MSTO1: variants seen among roughly 807,000 people sequenced by gnomAD.
MSTO1 encodes the protein protein misato homolog 1.
Under a neutral mutation model 55.7 loss-of-function variants are expected in MSTO1, and 24 were observed. The ratio of observed to expected loss-of-function variants is 0.43; its 90% confidence interval spans 0.31 to 0.61. The LOEUF (loss-of-function observed/expected upper bound fraction) is 0.61, where lower values mean the gene tolerates loss of function less well. MSTO1 is among the 20% of genes least tolerant of loss of function. The pLI is 0.09. For synonymous variants in MSTO1, 162 were observed against 252.8 expected (o/e 0.64, Z 3.41); for missense variants, 363 against 625.7 (o/e 0.58, Z 4.48).
At chr1:155,572,524 C>T in the MSTO1 span, among the ~76,000 whole-genome samples, 1 of 152,030 alleles carries the variant, frequency 6.6e-6, no homozygotes, top group East Asian at 1.9e-4. Flanking sequence ...CCATCCTGGC[C>T]AAGATGGTGA....
the MSTO1 span, among the ~76,000 whole-genome samples, chr1:155,580,983 G>C: frequency 2.0e-5 from 3 of 151,508 alleles, no homozygotes; most frequent in Non-Finnish European, 4.4e-5. Flanking sequence ...TCAGAGTAGC[G>C]GCAGAGTTTT....
chr1:155,590,156 T>A, the MSTO1 span, among the ~76,000 whole-genome samples: 2 of 151,846 alleles, frequency 1.3e-5, no homozygotes, highest in African/African-American at 2.4e-5. Flanking sequence ...TGTTAACAGA[T>A]CACTTGCTTT....
At chr1:155,576,494 G>A in the MSTO1 span, among the ~76,000 whole-genome samples, 5 of 150,948 alleles carry the variant, frequency 3.3e-5, no homozygotes, top group Non-Finnish European at 5.9e-5. Context: ...GCCCATCTAA[G>A]TTTTGTATTT....
upstream of MSTO1, among the ~76,000 whole-genome samples, chr1:155,606,198 C>CTTTTTTTT (rs747681932): frequency 2.4e-3 from 68 of 28,104 alleles, 4 homozygotes; most frequent in South Asian, 7.3e-3. Flanking sequence ...CATGCCCAGC[C>CTTTTTTTT]TTTTTTTTTT....
chr1:155,585,795 G>T, the MSTO1 span, among the ~76,000 whole-genome samples: 1 of 152,010 alleles, frequency 6.6e-6, no homozygotes, highest in Non-Finnish European at 1.5e-5. Flanking sequence ...CAGTTTCCTT[G>T]TGTGCCTGCC....
the MSTO1 span, among the ~76,000 whole-genome samples, chr1:155,588,258 G>T: frequency 4.7e-5 from 7 of 149,438 alleles, no homozygotes; most frequent in Admixed American, 4.7e-4. Context: ...CATCTAAAAT[G>T]ATTAAAAAAC....
At chr1:155,576,065 G>A in the MSTO1 span, among the ~76,000 whole-genome samples, 3 of 150,888 alleles carry the variant, frequency 2.0e-5, no homozygotes, top group Non-Finnish European at 3.0e-5. Context: ...CAGGTGATCC[G>A]CCTGCTTCGG....
chr1:155,564,325 C>T, the MSTO1 span, among the ~76,000 whole-genome samples: 1 of 152,282 alleles, frequency 6.6e-6, no homozygotes, highest in African/African-American at 2.4e-5. Context: ...AAAATCCCGT[C>T]TCTACTAAAA....
rs1675260096 is a variant in MSTO1 at position 155,614,844 on chromosome 1, C to T, written c.*571C>T. ...CTTCACAGGCAGTGTGGAAGAGCTG[C>T]ATGAGTTCTCGAAAATGGTGGGAAA... On this transcript the variant is annotated 3_prime_UTR_variant, in exon 14 of 14. Transcript: ENST00000245564. 5.1e-6 allele frequency: 8 copies of T among 1,579,764 alleles called. No homozygotes were observed. The highest frequency in any genetic ancestry group is 1.9e-5 in the Admixed American group (1 of 53,960).
At chr1:155,564,828 A>T in the MSTO1 span, among the ~76,000 whole-genome samples, 10 of 152,216 alleles carry the variant, frequency 6.6e-5, no homozygotes, top group Non-Finnish European at 1.2e-4. Flanking sequence ...AGTCACAGAA[A>T]TATTGAAATG....
chr1:155,599,374 G>T, the MSTO1 span, among the ~76,000 whole-genome samples: 1 of 152,102 alleles, frequency 6.6e-6, no homozygotes, highest in South Asian at 2.1e-4. Flanking sequence ...ATACCCATGA[G>T]CATAAACTCC....
At chr1:155,602,105 C>G in the MSTO1 span, 9 of 705,922 alleles carry the variant, frequency 1.3e-5, no homozygotes, top group South Asian at 1.2e-4. Flanking sequence ...CCGGGATGTT[C>G]TGCAGTCCAA....
chr1:155,572,093 G>C, the MSTO1 span, among the ~76,000 whole-genome samples: 1 of 151,682 alleles, frequency 6.6e-6, no homozygotes, highest in Non-Finnish European at 1.5e-5. Context: ...CTTTTCCTAT[G>C]GGACTTGGGA....
At chr1:155,567,351 G>A in the MSTO1 span, among the ~76,000 whole-genome samples, 1 of 140,316 alleles carries the variant, frequency 7.1e-6, no homozygotes, top group Admixed American at 7.6e-5. Context: ...TCGTTCTGTC[G>A]CCCAGGCGGG....
chr1:155,598,679 G>C, the MSTO1 span: 1 of 407,600 alleles, frequency 2.5e-6, no homozygotes, highest in Non-Finnish European at 4.5e-6. Flanking sequence ...CCAAGATCAC[G>C]TCACTGCTTT....
chr1:155,569,554 C>A, the MSTO1 span, among the ~76,000 whole-genome samples: 18 of 151,484 alleles, frequency 1.2e-4, no homozygotes, highest in East Asian at 2.7e-3. Flanking sequence ...TCTACTGCCG[C>A]AGCCTCCCGA....
the MSTO1 span, among the ~76,000 whole-genome samples, chr1:155,565,616 A>G: frequency 1.3e-5 from 2 of 152,278 alleles, no homozygotes; most frequent in East Asian, 3.9e-4. Context: ...CTGTGCTTCA[A>G]AGAAAAAAAA....
the MSTO1 span, among the ~76,000 whole-genome samples, chr1:155,594,407 TTAAG>T: frequency 1.3e-5 from 2 of 151,452 alleles, no homozygotes; most frequent in Non-Finnish European, 2.9e-5. Context: ...AAAAAGAAAA[TTAAG>T]TAAATAAATA....
upstream of MSTO1, among the ~76,000 whole-genome samples, chr1:155,606,198 C>CTTTTTTTTTTTTT (rs747681932): frequency 1.6e-3 from 44 of 28,108 alleles, 1 homozygote; most frequent in South Asian, 3.6e-3. Flanking sequence ...CATGCCCAGC[C>CTTTTTTTTTTTTT]TTTTTTTTTT....
Sources: gnomAD v4.1 joint callset for allele counts (sites outside exome capture counted in the v4.1 genomes callset) on GRCh38, gnomAD v4.1.1 for gene constraint, MANE v1.5 for transcripts, NCBI Gene and HGNC (gene_info 2026-07-23, HGNC 2026-07-21) for gene names.